The following LIMK2 variants were observed in gnomAD, a reference collection of about 807,000 sequenced individuals.
LIMK2 encodes LIM domain kinase 2.
LIMK2 carries 35 observed loss-of-function variants against 75.7 expected under a neutral mutation model. That is an observed-to-expected ratio of 0.46 (90% confidence interval 0.35 to 0.61). The LOEUF (loss-of-function observed/expected upper bound fraction) is 0.61. LIMK2 is among the 20% of genes least tolerant of loss of function. The pLI is 0.00. For synonymous variants in LIMK2, 301 were observed against 319.2 expected (o/e 0.94, Z 0.61); for missense variants, 623 against 831.0 (o/e 0.75, Z 3.08).
intron 2 of LIMK2, among the ~76,000 whole-genome samples, chr22:31,237,902 C>T (rs1043534609): frequency 5.4e-5 from 8 of 149,460 alleles, no homozygotes; most frequent in African/African-American, 1.7e-4. Context: ...GTCAGGAGTT[C>T]GAGACTAGCC....
intron 2 of LIMK2, among the ~76,000 whole-genome samples, chr22:31,257,541 C>T (rs2048796903): frequency 6.6e-6 from 1 of 152,096 alleles, no homozygotes; most frequent in South Asian, 2.1e-4. Flanking sequence ...GGCAATTTTA[C>T]AATATAATAT....
At chr22:31,235,322 C>T (rs573193886) in intron 2 of LIMK2, among the ~76,000 whole-genome samples, 9 of 152,300 alleles carry the variant, frequency 5.9e-5, no homozygotes, top group African/African-American at 2.2e-4. Context: ...CTGTAAATGG[C>T]AAGACGGAAT....
In LIMK2 at chr22:31,279,875, T is replaced by C. The variant is rs1204225821; in HGVS notation, c.*1434T>C. ...TTGTGGGACCAGATGTCATCTCTGG[T>C]CAGAGTTTACTTGCTATATAGACTG... is the stretch of plus-strand genomic sequence containing the variant. On this transcript the variant is annotated 3_prime_UTR_variant, in exon 16 of 16. Coordinates refer to ENST00000331728, the MANE Select transcript of LIMK2 (RefSeq NM_005569.4). 1 of 152,248 alleles carries C rather than the reference T, an allele frequency of 6.6e-6. No homozygotes were observed. Among genetic ancestry groups the C allele is most frequent in the Non-Finnish European group, 1.5e-5 (1 of 68,076 alleles). The allele number at this position is 152,248 out of a possible 1,614,324, so 9.4% of individuals were successfully genotyped here. A position where few individuals can be genotyped will look rare whatever the true frequency, so the allele number is the denominator to read the frequency against.
chr22:31,236,967 A>AT (rs1265707368), intron 2 of LIMK2, among the ~76,000 whole-genome samples: 6 of 150,388 alleles, frequency 4.0e-5, no homozygotes, highest in Non-Finnish European at 8.9e-5. Context: ...ATAAAATAAA[A>AT]AAATATGGAG....
At chr22:31,248,803 TCCTGGCC>T in intron 2 of LIMK2, 1 of 1,609,650 alleles carries the variant, frequency 6.2e-7, no homozygotes, top group South Asian at 1.1e-5. Flanking sequence ...TCTCCATCTC[TCCTGGCC>T]CCTGGTCCTG....
At chr22:31,220,242 A>G (rs1314638112) in intron 1 of LIMK2, among the ~76,000 whole-genome samples, 1 of 152,234 alleles carries the variant, frequency 6.6e-6, no homozygotes, top group Non-Finnish European at 1.5e-5. Context: ...ACAGAAAAGC[A>G]GTGTGAATGC....
At position 31,279,374 on chromosome 22, in the gene LIMK2, G is replaced by A. The variant is rs904889282; in HGVS notation, c.*933G>A. 2.0e-5 allele frequency: 3 copies of A among 152,242 alleles called. No homozygotes were observed. The highest frequency in any genetic ancestry group is 4.8e-5 in the African/African-American group (2 of 41,438). 9.4% of individuals were successfully genotyped at this position (152,242 alleles called of 1,614,324 possible). On this transcript the variant is annotated 3_prime_UTR_variant, in exon 16 of 16. Transcript: ENST00000331728. ...TCACAGGCCTAGAGTCTGAGGGAGGGGAGTGGGAGTCTCAGCAATCTCTTG... is the reference window on the plus strand; with the variant it reads ...TCACAGGCCTAGAGTCTGAGGGAGGAGAGTGGGAGTCTCAGCAATCTCTTG...
intron 2 of LIMK2, among the ~76,000 whole-genome samples, chr22:31,229,034 A>T (rs545728334): frequency 6.6e-6 from 1 of 152,158 alleles, no homozygotes; most frequent in East Asian, 1.9e-4. Flanking sequence ...ATATACACCT[A>T]TATGTATACA....
intron 14 of LIMK2, 80 bp downstream of exon 14, chr22:31,273,587 C>G: frequency 9.3e-7 from 1 of 1,075,234 alleles, no homozygotes; most frequent in South Asian, 1.3e-5. Context: ...GCATCTCCTC[C>G]TAGGGATGAC....
At chr22:31,267,439 C>T (rs1601439427) in intron 9 of LIMK2, among the ~76,000 whole-genome samples, 1 of 152,234 alleles carries the variant, frequency 6.6e-6, no homozygotes, top group South Asian at 2.1e-4. Flanking sequence ...AGCACTCACA[C>T]TCCTTGGGCA....
chr22:31,267,257 C>A (rs1338443860), intron 9 of LIMK2, among the ~76,000 whole-genome samples, 187 bp downstream of exon 9: 1 of 152,190 alleles, frequency 6.6e-6, no homozygotes, highest in Non-Finnish European at 1.5e-5. Context: ...TGAACACTTA[C>A]TAAAAGCAAC....
At chr22:31,222,494 C>G (rs2048444163) in intron 1 of LIMK2, among the ~76,000 whole-genome samples, 1 of 148,346 alleles carries the variant, frequency 6.7e-6, no homozygotes, top group African/African-American at 2.5e-5. Context: ...CCTGCCTCAG[C>G]TTCCTGAGTA....
At chr22:31,223,529 T>C (rs929542382) in intron 1 of LIMK2, among the ~76,000 whole-genome samples, 6 of 152,222 alleles carry the variant, frequency 3.9e-5, no homozygotes, top group Admixed American at 3.9e-4. Flanking sequence ...TGGCAGCTCA[T>C]AAACTGACCC....
At position 31,278,609 on chromosome 22, in the gene LIMK2, C is replaced by A; in HGVS notation, c.*168C>A. 1 of 557,140 alleles carries A rather than the reference C, an allele frequency of 1.8e-6. No individual in the cohort carries two copies. The highest frequency in any genetic ancestry group is 3.2e-5 in the East Asian group (1 of 30,872). The allele number at this position is 557,140 out of a possible 1,614,324, so 34.5% of individuals were successfully genotyped here. ...CCCAGGAGGCAAGTGGGCGCAGCAC[C>A]AGGGAAATGTATCTCCACAGGTTCT... On this transcript the variant is annotated 3_prime_UTR_variant, in exon 16 of 16. Transcript: ENST00000331728.
chr22:31,234,613 TG>T (rs1323114433), intron 2 of LIMK2, among the ~76,000 whole-genome samples: 4 of 146,748 alleles, frequency 2.7e-5, no homozygotes, highest in Non-Finnish European at 5.9e-5. Flanking sequence ...CCCAGCTACT[TG>T]GGAGGCTGAG....
chr22:31,248,998 G>A (rs2048698808), intron 2 of LIMK2, among the ~76,000 whole-genome samples: 1 of 152,222 alleles, frequency 6.6e-6, no homozygotes, highest in African/African-American at 2.4e-5. Context: ...GGGAGCTCCA[G>A]CTCCCCTTCT....
intron 14 of LIMK2, among the ~76,000 whole-genome samples, chr22:31,274,697 G>A (rs950468383): frequency 2.0e-5 from 3 of 152,156 alleles, no homozygotes; most frequent in Non-Finnish European, 4.4e-5. Flanking sequence ...TACCGTGCCT[G>A]GCCATGAAGG....
intron 8 of LIMK2, among the ~76,000 whole-genome samples, chr22:31,266,575 G>A (rs2048898341): frequency 6.6e-6 from 1 of 152,130 alleles, no homozygotes; most frequent in South Asian, 2.1e-4. Context: ...TCAGCTTGGG[G>A]GCAGCAGGGC....
intron 2 of LIMK2, among the ~76,000 whole-genome samples, chr22:31,252,617 T>G (rs2123822355): frequency 6.6e-6 from 1 of 151,944 alleles, no homozygotes; most frequent in Admixed American, 6.6e-5. Context: ...CTTTTTCACT[T>G]ACAGAAATCT....
Sources: gnomAD v4.1 joint callset for allele counts (sites outside exome capture counted in the v4.1 genomes callset) on GRCh38, gnomAD v4.1.1 for gene constraint, MANE v1.5 for transcripts, NCBI Gene and HGNC (gene_info 2026-07-23, HGNC 2026-07-21) for gene names.